Variants in NAALADL2 observed in about 807,000 individuals in gnomAD.
The protein encoded by NAALADL2 is N-acetylated alpha-linked acidic dipeptidase like 2.
In NAALADL2, 76 loss-of-function variants were observed where a neutral mutation model predicts 87.2. The ratio of observed to expected loss-of-function variants is 0.87; its 90% CI spans 0.72 to 1.05. The LOEUF (loss-of-function observed/expected upper bound fraction) is 1.05, where lower values mean the gene tolerates loss of function less well. Ranked by LOEUF, NAALADL2 falls within the 50% of genes least tolerant of loss-of-function variation. The pLI is 0.00. For missense variants in NAALADL2, 1,089 were observed against 945.8 expected (o/e 1.15, Z -1.99); for synonymous variants, 354 against 331.0 (o/e 1.07, Z -0.75).
At chr3:175,511,394 C>T (rs1731129658) in intron 9 of NAALADL2, among the ~76,000 whole-genome samples, 1 of 152,094 alleles carries the variant, frequency 6.6e-6, no homozygotes, top group Non-Finnish European at 1.5e-5. Context: ...GACTGATGTC[C>T]TTATAAGCAG....
intron 1 of NAALADL2, among the ~76,000 whole-genome samples, chr3:174,530,664 A>G (rs932268026): frequency 3.3e-5 from 5 of 152,196 alleles, no homozygotes; most frequent in Non-Finnish European, 7.4e-5. Flanking sequence ...ATAAGAGAAG[A>G]GAGCTTGTGT....
At chr3:174,835,924 A>C (rs1723281480) in intron 3 of NAALADL2, among the ~76,000 whole-genome samples, 1 of 152,246 alleles carries the variant, frequency 6.6e-6, no homozygotes, top group Admixed American at 6.5e-5. Context: ...TGATGCTATC[A>C]TTACAGAAAA....
In NAALADL2 at chr3:174,993,272, A is replaced by G. The variant is rs189987110; in HGVS notation, c.44-103518A>G. On this transcript the variant is annotated intron_variant, in intron 1 of 13. Coordinates refer to ENST00000454872, the MANE Select transcript of NAALADL2 (RefSeq NM_207015.3). ...AGTTATAAGGATTCAAAGGGGGAAA[A>G]TGAGGATTTATAATTGGAAACATAG... is the stretch of plus-strand genomic sequence containing the variant. Among the ~76,000 whole-genome samples, 523 of 152,210 alleles carry G rather than the reference A, an allele frequency of 3.4e-3. 3 individuals are homozygous for G. The highest frequency in any genetic ancestry group is 3.7e-3 in the Non-Finnish European group (250 of 67,998).
At chr3:175,707,131 G>T (rs1739830396) in intron 11 of NAALADL2, among the ~76,000 whole-genome samples, 1 of 152,098 alleles carries the variant, frequency 6.6e-6, no homozygotes, top group East Asian at 1.9e-4. Flanking sequence ...TATAAGCATA[G>T]TTTATTAAAC....
At chr3:175,052,473 G>A (rs1271904854) in intron 1 of NAALADL2, among the ~76,000 whole-genome samples, 1 of 152,182 alleles carries the variant, frequency 6.6e-6, no homozygotes, top group Non-Finnish European at 1.5e-5. Flanking sequence ...CTTCTTGGAG[G>A]AGTCAGGATC....
At chr3:175,403,406 A>G (rs1175785352) in intron 5 of NAALADL2, among the ~76,000 whole-genome samples, 1 of 152,086 alleles carries the variant, frequency 6.6e-6, no homozygotes, top group Non-Finnish European at 1.5e-5. Flanking sequence ...TCAGATCAAT[A>G]TGGTGTGGAT....
At chr3:175,165,834 G>A (rs1352413225) in intron 2 of NAALADL2, among the ~76,000 whole-genome samples, 5 of 151,936 alleles carry the variant, frequency 3.3e-5, no homozygotes, top group African/African-American at 1.2e-4. Context: ...TTCCAGGGGT[G>A]TGCTTAGCAT....
At position 174,662,695 on chromosome 3, in the gene NAALADL2, G is replaced by T. The variant is rs1725611684; in HGVS notation, c.-114-74946G>T. On this transcript the variant is annotated intron_variant, in intron 2 of 3. Transcript: ENST00000434257. ...TCCTAATTTTATCATGTGCGCAGAA[G>T]TTCCTTTCATAGAAAATGTAGCTTG... Among the ~76,000 whole-genome samples, 4 of 150,652 alleles carry T rather than the reference G, an allele frequency of 2.7e-5. No individual in the cohort carries two copies. The South Asian group carries it at 8.3e-4, about 31-fold the overall frequency.
At chr3:175,329,611 A>T (rs1376421975) in intron 5 of NAALADL2, among the ~76,000 whole-genome samples, 1 of 152,186 alleles carries the variant, frequency 6.6e-6, no homozygotes, top group Non-Finnish European at 1.5e-5. Context: ...TCACAGTATG[A>T]ATATCTGTCA....
intron 10 of NAALADL2, among the ~76,000 whole-genome samples, chr3:175,625,044 T>A (rs943448938): frequency 6.6e-6 from 1 of 151,992 alleles, no homozygotes; most frequent in Non-Finnish European, 1.5e-5. Context: ...ATTTCTAATA[T>A]CTCTTCCAAG....
At chr3:175,510,431 C>G (rs1731003814) in intron 9 of NAALADL2, among the ~76,000 whole-genome samples, 1 of 152,122 alleles carries the variant, frequency 6.6e-6, no homozygotes, top group African/African-American at 2.4e-5. Flanking sequence ...TGAGACATGT[C>G]AGTTGGCTTT....
chr3:175,711,174 G>C (rs1425585278), intron 11 of NAALADL2, among the ~76,000 whole-genome samples: 1 of 151,740 alleles, frequency 6.6e-6, no homozygotes, highest in African/African-American at 2.4e-5. Flanking sequence ...GGGGAGAAAG[G>C]CATCTAAGAT....
intron 1 of NAALADL2, among the ~76,000 whole-genome samples, chr3:174,463,800 C>T (rs1214266353): frequency 1.3e-5 from 2 of 152,036 alleles, no homozygotes; most frequent in East Asian, 3.9e-4. Flanking sequence ...CGCGATTTCA[C>T]CGTGTTAGCC....
chr3:175,159,597 A>G (rs778948925), intron 2 of NAALADL2, among the ~76,000 whole-genome samples: 7 of 152,184 alleles, frequency 4.6e-5, no homozygotes, highest in Admixed American at 1.3e-4. Context: ...GGATAACACC[A>G]ATGATTTTTC....
intron 2 of NAALADL2, among the ~76,000 whole-genome samples, chr3:175,229,069 T>C (rs1316238685): frequency 1.3e-5 from 2 of 151,900 alleles, no homozygotes; most frequent in Non-Finnish European, 2.9e-5. Context: ...CAAAATTTAA[T>C]ATGCATTCAT....
At chr3:175,403,309 T>C (rs945697377) in intron 5 of NAALADL2, among the ~76,000 whole-genome samples, 25 of 152,090 alleles carry the variant, frequency 1.6e-4, no homozygotes, top group African/African-American at 5.1e-4. Flanking sequence ...AGTAGAGGTA[T>C]ACAGAAGTGA....
At chr3:174,477,577 C>G (rs1001828766) in intron 1 of NAALADL2, among the ~76,000 whole-genome samples, 9 of 152,094 alleles carry the variant, frequency 5.9e-5, no homozygotes, top group African/African-American at 2.2e-4. Context: ...GGTTAATTGG[C>G]GTTCTACAGA....
intron 3 of NAALADL2, among the ~76,000 whole-genome samples, chr3:174,758,444 T>C (rs999734015): frequency 1.3e-5 from 2 of 152,146 alleles, no homozygotes; most frequent in African/African-American, 4.8e-5. Flanking sequence ...TTAAATGTCA[T>C]TGTACCCTTG....
intron 2 of NAALADL2, among the ~76,000 whole-genome samples, chr3:174,670,738 C>G (rs1726451344): frequency 6.6e-6 from 1 of 151,844 alleles, no homozygotes; most frequent in African/African-American, 2.4e-5. Flanking sequence ...TTCTGCTTAC[C>G]TTTAAAGTCA....
Sources: allele counts gnomAD v4.1 joint callset (sites outside exome capture counted in the v4.1 genomes callset), GRCh38; gene constraint gnomAD v4.1.1; transcripts MANE v1.5; gene names NCBI Gene and HGNC (gene_info 2026-07-23, HGNC 2026-07-21).